The following COL23A1 variants were observed in gnomAD, a reference collection of about 807,000 sequenced individuals.
COL23A1 encodes the protein collagen alpha-1(XXIII) chain.
In COL23A1, 97 loss-of-function variants were observed where a neutral mutation model predicts 99.3. The observed-to-expected ratio is 0.98, with a 90% CI of 0.83 to 1.16. The LOEUF is 1.16. Ranked by LOEUF, COL23A1 falls within the 50% of genes most tolerant of loss-of-function variation. The pLI, the probability that COL23A1 is intolerant of heterozygous loss-of-function variation, is 0.00. For synonymous variants in COL23A1, 320 were observed against 308.2 expected (o/e 1.04, Z -0.40); for missense variants, 762 against 757.4 (o/e 1.01, Z -0.07).
chr5:178,584,372 CT>C (rs971764794), intron 1 of COL23A1, among the ~76,000 whole-genome samples: 1 of 150,708 alleles, frequency 6.6e-6, no homozygotes, highest in African/African-American at 2.4e-5. Flanking sequence ...AAATTTTTTT[CT>C]TTTTTTTAAA....
intron 2 of COL23A1, among the ~76,000 whole-genome samples, chr5:178,362,609 C>T (rs1194691454): frequency 1.3e-5 from 2 of 152,222 alleles, no homozygotes; most frequent in Non-Finnish European, 2.9e-5. Context: ...GGCACACCCT[C>T]ATTTTTCTGG....
rs1025998076 is a variant in COL23A1 at position 178,307,642 on chromosome 5, A to T, written c.362-723T>A. 2.0e-5 allele frequency among the ~76,000 whole-genome samples: 3 copies of T among 152,132 alleles called. No individual in the cohort carries two copies. Among genetic ancestry groups the T allele is most frequent in the African/African-American group, 7.2e-5 (3 of 41,442 alleles). The stretch of plus-strand genomic sequence containing the variant: ...CAGAGTAACCTCAGCGCTGAAGGAG[A>T]CGCTTTGACTCTGGCCGTGGGAGCA... On this transcript the variant is annotated intron_variant, in intron 2 of 28. Transcript: ENST00000390654. This position sits in a 1 kb window ranked among gnomAD's most constrained non-coding sequence, Gnocchi z 4.2.
At chr5:178,402,041 C>G (rs1764476737) in intron 2 of COL23A1, among the ~76,000 whole-genome samples, 1 of 152,170 alleles carries the variant, frequency 6.6e-6, no homozygotes, top group African/African-American at 2.4e-5. Context: ...GTCTCAAACT[C>G]CTGACCTCAG....
intron 2 of COL23A1, among the ~76,000 whole-genome samples, chr5:178,548,695 T>C (rs566610977): frequency 6.6e-6 from 1 of 152,144 alleles, no homozygotes; most frequent in South Asian, 2.1e-4. Flanking sequence ...TATTCTTGTA[T>C]AAGAGCACTT....
intron 2 of COL23A1, among the ~76,000 whole-genome samples, chr5:178,482,097 T>C (rs1046366587): frequency 2.0e-5 from 3 of 151,296 alleles, no homozygotes; most frequent in Non-Finnish European, 2.9e-5. Flanking sequence ...AGAATTACTA[T>C]ATGATCCAGA....
intron 2 of COL23A1, among the ~76,000 whole-genome samples, chr5:178,375,713 T>A (rs1019821221): frequency 6.6e-6 from 1 of 152,156 alleles, no homozygotes; most frequent in Non-Finnish European, 1.5e-5. Flanking sequence ...TCTTTCTTTC[T>A]TTTTTCTTTT....
intron 2 of COL23A1, among the ~76,000 whole-genome samples, chr5:178,383,219 C>T (rs889977840): frequency 1.4e-4 from 22 of 151,932 alleles, no homozygotes; most frequent in African/African-American, 5.1e-4. Flanking sequence ...GGTGCTGCGG[C>T]TACTGGTCTG....
chr5:178,264,259 G>T (rs1765792483), intron 8 of COL23A1, among the ~76,000 whole-genome samples: 1 of 151,856 alleles, frequency 6.6e-6, no homozygotes, highest in Non-Finnish European at 1.5e-5. Flanking sequence ...TGTCACCATT[G>T]GGGGAGACTG....
chr5:178,478,383 T>A (rs603852), intron 2 of COL23A1, among the ~76,000 whole-genome samples: 11 of 152,054 alleles, frequency 7.2e-5, no homozygotes, highest in Non-Finnish European at 1.2e-4. Context: ...AGGAGTCCAC[T>A]GCAGAGGAAC....
At chr5:178,324,687 C>T (rs980069791) in intron 2 of COL23A1, among the ~76,000 whole-genome samples, 2 of 152,212 alleles carry the variant, frequency 1.3e-5, no homozygotes, top group Non-Finnish European at 2.9e-5. Context: ...TGGTCCGTGC[C>T]ACAAGCGCGC....
At chr5:178,248,545 C>T (rs1185417488) in intron 19 of COL23A1, among the ~76,000 whole-genome samples, 1 of 152,190 alleles carries the variant, frequency 6.6e-6, no homozygotes, top group Non-Finnish European at 1.5e-5. Flanking sequence ...CCCCTCTAGC[C>T]CAGTGACCAT....
At chr5:178,423,797 C>T (rs1374770871) in intron 2 of COL23A1, among the ~76,000 whole-genome samples, 1 of 152,140 alleles carries the variant, frequency 6.6e-6, no homozygotes, top group Non-Finnish European at 1.5e-5. Context: ...GAGCTGGGAG[C>T]ACTGCCTGGA....
At chr5:178,484,384 C>T (rs1757498008) in intron 2 of COL23A1, among the ~76,000 whole-genome samples, 1 of 152,152 alleles carries the variant, frequency 6.6e-6, no homozygotes, top group African/African-American at 2.4e-5. Flanking sequence ...GCTCCGAGGT[C>T]CCCTCTCAGA....
At chr5:178,583,501 A>ACG (rs369234563) in intron 1 of COL23A1, among the ~76,000 whole-genome samples, 6 of 152,344 alleles carry the variant, frequency 3.9e-5, no homozygotes, top group African/African-American at 1.4e-4. Context: ...ACACACACAC[A>ACG]CAGACGCAGC....
chr5:178,265,635 C>G (rs1405752361), intron 8 of COL23A1: 2 of 981,750 alleles, frequency 2.0e-6, no homozygotes, highest in Non-Finnish European at 2.4e-6. Context: ...CAGGTCCAGA[C>G]CCCCACTCAG....
chr5:178,249,026 C>T (rs958684960), intron 19 of COL23A1, 91 bp downstream of exon 19: 27 of 1,324,230 alleles, frequency 2.0e-5, no homozygotes, highest in East Asian at 1.1e-4. Context: ...GTCAGGGTCA[C>T]GCCCTGGCCT....
rs567010508 is a variant in COL23A1 at position 178,281,574 on chromosome 5, C to T, written c.441+6750G>A. Among the ~76,000 whole-genome samples, 1 of 152,274 alleles carries T rather than the reference C, an allele frequency of 6.6e-6. No individual in the cohort carries two copies. Among genetic ancestry groups the T allele is most frequent in the South Asian group, 2.1e-4 (1 of 4,828 alleles). ...TGCCGTGCGTGTGGTTTTGGGTGTG[C>T]TCAGAGCTGACCTGTGACGCCTGCC... On this transcript the variant is annotated intron_variant, in intron 5 of 28. Coordinates refer to ENST00000390654, the MANE Select transcript of COL23A1 (RefSeq NM_173465.4). This position sits in a 1 kb window ranked among gnomAD's most constrained non-coding sequence, Gnocchi z 4.0.
chr5:178,299,593 T>C (rs896668776), intron 3 of COL23A1, among the ~76,000 whole-genome samples: 5 of 152,164 alleles, frequency 3.3e-5, no homozygotes, highest in Non-Finnish European at 5.9e-5. Flanking sequence ...CCTCAAAGAA[T>C]CAACTTTTGG....
chr5:178,324,153 A>C (rs1346979618), intron 2 of COL23A1, among the ~76,000 whole-genome samples: 2 of 149,250 alleles, frequency 1.3e-5, no homozygotes, highest in African/African-American at 2.4e-5. Context: ...TGGGGGCACG[A>C]GGGCTGGGGT....
Sources: allele counts gnomAD v4.1 joint callset (sites outside exome capture counted in the v4.1 genomes callset), GRCh38; gene constraint gnomAD v4.1.1; non-coding constraint Gnocchi (gnomAD v3.1); transcripts MANE v1.5; gene names NCBI Gene and HGNC (gene_info 2026-07-23, HGNC 2026-07-21).